TMTC2: variants seen among roughly 807,000 people sequenced by gnomAD.
The protein encoded by TMTC2 is transmembrane O-mannosyltransferase targeting cadherins 2.
TMTC2 carries 43 observed loss-of-function variants against 82.4 expected under a neutral mutation model. The observed-to-expected ratio is 0.52, with a 90% CI of 0.41 to 0.67. The LOEUF is 0.67. TMTC2 is among the 30% of genes least tolerant of loss of function. The probability of loss-of-function intolerance (pLI) is 0.00; values close to 1 mark genes in which losing one functional copy is unlikely to be tolerated. For missense variants in TMTC2, 919 were observed against 1,012.4 expected (o/e 0.91, Z 1.25); for synonymous variants, 408 against 381.9 (o/e 1.07, Z -0.80).
chr12:82,764,097 G>T (rs11832336), intron 1 of TMTC2, among the ~76,000 whole-genome samples: 2 of 152,134 alleles, frequency 1.3e-5, no homozygotes, highest in Admixed American at 1.3e-4. Flanking sequence ...ATATGGGAAA[G>T]CAGAAAACAT....
intron 1 of TMTC2, among the ~76,000 whole-genome samples, chr12:82,820,614 A>T (rs1455024458): frequency 6.6e-6 from 1 of 152,130 alleles, no homozygotes; most frequent in Non-Finnish European, 1.5e-5. Flanking sequence ...ACCTCAGGTG[A>T]TCTGCCTGCC....
chr12:82,915,695 A>G (rs1874961008), intron 3 of TMTC2, among the ~76,000 whole-genome samples: 1 of 152,220 alleles, frequency 6.6e-6, no homozygotes, highest in East Asian at 1.9e-4. Context: ...CAAGTCGTCT[A>G]AGAACTCTTG....
chr12:82,758,146 T>C (rs1479417314), intron 1 of TMTC2, among the ~76,000 whole-genome samples: 1 of 152,148 alleles, frequency 6.6e-6, no homozygotes, highest in Non-Finnish European at 1.5e-5. Context: ...CTCCCAGATA[T>C]CATATTTCTG....
At position 82,958,098 on chromosome 12, in the gene TMTC2, C is replaced by A. The variant is rs1029734424; in HGVS notation, c.1599-6926C>A. On this transcript the variant is annotated intron_variant, in intron 4 of 11. Coordinates refer to ENST00000321196, the MANE Select transcript of TMTC2 (RefSeq NM_152588.3). ...GAAAACCAGGCTGGGCACAACGGCTCATGCCTGTAATCTCAATACATTGGC... is the reference window on the plus strand; with the variant it reads ...GAAAACCAGGCTGGGCACAACGGCTAATGCCTGTAATCTCAATACATTGGC... 1.6e-4 allele frequency among the ~76,000 whole-genome samples: 24 copies of A among 152,198 alleles called. No homozygotes were observed. The South Asian group carries it at 3.1e-3, about 20-fold the overall frequency.
At chr12:82,827,911 G>C (rs1347475153) in intron 1 of TMTC2, among the ~76,000 whole-genome samples, 7 of 89,796 alleles carry the variant, frequency 7.8e-5, no homozygotes, top group Admixed American at 2.6e-4. Flanking sequence ...TTTTTCTTTT[G>C]AGACAGAGTC....
At chr12:82,804,613 C>T (rs577924145) in intron 1 of TMTC2, among the ~76,000 whole-genome samples, 84 of 152,066 alleles carry the variant, frequency 5.5e-4, no homozygotes, top group Non-Finnish European at 8.2e-4. Flanking sequence ...TATAAAAGGG[C>T]TTTCTACAAA....
chr12:83,098,450 G>A (rs535040971), intron 11 of TMTC2, among the ~76,000 whole-genome samples: 2 of 152,202 alleles, frequency 1.3e-5, no homozygotes, highest in African/African-American at 2.4e-5. Flanking sequence ...GTGAAATTTT[G>A]TAAGAGATCC....
At chr12:82,701,955 A>G (rs1295675997) in intron 1 of TMTC2, among the ~76,000 whole-genome samples, 1 of 152,080 alleles carries the variant, frequency 6.6e-6, no homozygotes, top group Non-Finnish European at 1.5e-5. Context: ...AAACCTAAAC[A>G]TGCTGAAGGT....
At chr12:82,907,637 G>C (rs1874395770) in intron 3 of TMTC2, among the ~76,000 whole-genome samples, 1 of 152,080 alleles carries the variant, frequency 6.6e-6, no homozygotes, top group Non-Finnish European at 1.5e-5. Context: ...CCATATTGCT[G>C]ACTCTTAAAA....
At chr12:82,861,618 G>T (rs1358864846) in intron 2 of TMTC2, among the ~76,000 whole-genome samples, 1 of 152,162 alleles carries the variant, frequency 6.6e-6, no homozygotes, top group Non-Finnish European at 1.5e-5. Flanking sequence ...GTTTATATCT[G>T]CCAAGCACTA....
chr12:83,119,455 AAG>A (rs1884877608), intron 11 of TMTC2, among the ~76,000 whole-genome samples: 1 of 152,114 alleles, frequency 6.6e-6, no homozygotes, highest in Non-Finnish European at 1.5e-5. Flanking sequence ...CATGGTTCTG[AAG>A]GTTCCTTTTG....
chr12:82,750,664 C>T (rs1229179919), intron 1 of TMTC2, among the ~76,000 whole-genome samples: 3 of 152,100 alleles, frequency 2.0e-5, no homozygotes, highest in Admixed American at 2.0e-4. Context: ...TTAATCCTGA[C>T]TTTATGTCTA....
chr12:82,950,411 A>C (rs2403020), intron 4 of TMTC2, among the ~76,000 whole-genome samples: 110,827 of 151,986 alleles, frequency 0.73, 41,856 homozygotes, highest in South Asian at 0.85. Flanking sequence ...TTCAAAAGGT[A>C]GGTACAAAGT....
intron 1 of TMTC2, among the ~76,000 whole-genome samples, chr12:82,688,911 C>T (rs1872458348): frequency 6.6e-6 from 1 of 152,206 alleles, no homozygotes; most frequent in Non-Finnish European, 1.5e-5. Context: ...CTAAAAGCAT[C>T]TTCACATCTC....
At chr12:82,813,398 G>A (rs1868513200) in intron 1 of TMTC2, among the ~76,000 whole-genome samples, 1 of 152,044 alleles carries the variant, frequency 6.6e-6, no homozygotes, top group Non-Finnish European at 1.5e-5. Flanking sequence ...ATTTTATGGG[G>A]ATGATTCTAT....
chr12:82,840,403 A>T (rs1256385765), intron 1 of TMTC2, among the ~76,000 whole-genome samples: 1 of 152,250 alleles, frequency 6.6e-6, no homozygotes, highest in Non-Finnish European at 1.5e-5. Context: ...TGGAGTAAAA[A>T]GTTAGATTGG....
At chr12:82,745,416 G>A (rs957510955) in intron 1 of TMTC2, among the ~76,000 whole-genome samples, 34 of 152,268 alleles carry the variant, frequency 2.2e-4, no homozygotes, top group Non-Finnish European at 1.9e-4. Flanking sequence ...CTCTTTAGTG[G>A]TATTTGAAAT....
intron 10 of TMTC2, among the ~76,000 whole-genome samples, chr12:83,051,631 T>G (rs537344108): frequency 8.1e-4 from 123 of 152,308 alleles, no homozygotes; most frequent in African/African-American, 2.7e-3. Context: ...TTATATTGAC[T>G]GTGGCATGTG....
intron 2 of TMTC2, among the ~76,000 whole-genome samples, chr12:82,876,637 C>T (rs976763298): frequency 1.3e-5 from 2 of 152,142 alleles, no homozygotes; most frequent in African/African-American, 4.8e-5. Flanking sequence ...TAAATACATT[C>T]TAATAAGTAT....
Sources: allele counts gnomAD v4.1 joint callset (sites outside exome capture counted in the v4.1 genomes callset), GRCh38; gene constraint gnomAD v4.1.1; transcripts MANE v1.5; gene names NCBI Gene and HGNC (gene_info 2026-07-23, HGNC 2026-07-21).